Variants in ITPK1 observed in about 807,000 individuals in gnomAD.
ITPK1 encodes inositol-tetrakisphosphate 1-kinase, also known as inositol 1,3,4-trisphosphate 5/6-kinase.
Under a neutral mutation model 45.3 loss-of-function variants are expected in ITPK1, and 21 were observed. The observed-to-expected ratio is 0.46, with a 90% CI of 0.33 to 0.67. The LOEUF is 0.67. Among genes scored for constraint, ITPK1 ranks in the 30% least tolerant of loss-of-function variants. The pLI is 0.02. For synonymous variants in ITPK1, 258 were observed against 253.6 expected, an observed-to-expected ratio of 1.02 and a Z score of -0.16; for missense variants, 474 against 573.5, an observed-to-expected ratio of 0.83 and a Z score of 1.77.
rs192960741 is a variant in ITPK1 at position 93,088,668 on chromosome 14, T to G, written c.96-12049A>C. 1.4e-4 allele frequency among the ~76,000 whole-genome samples: 21 copies of G among 152,216 alleles called. 1 individual carries two copies. Among genetic ancestry groups the G allele is most frequent in the African/African-American group, 3.4e-4 (14 of 41,540 alleles). On this transcript the variant is annotated intron_variant, in intron 2 of 10. Coordinates refer to ENST00000267615, the MANE Select transcript of ITPK1 (RefSeq NM_014216.6). Reference sequence around the variant, plus strand: ...TCTGCACCAGGCCTCTTTTTTTATTTTTTGTAGAGACAGGGTCTCACTATG... The same window carrying G: ...TCTGCACCAGGCCTCTTTTTTTATTGTTTGTAGAGACAGGGTCTCACTATG...
intron 3 of ITPK1, among the ~76,000 whole-genome samples, chr14:93,042,888 T>G (rs1170021504): frequency 6.6e-6 from 1 of 151,998 alleles, no homozygotes; most frequent in East Asian, 1.9e-4. Context: ...CATGGTGGCG[T>G]GCACCTGCAA....
At chr14:92,983,248 C>A (rs1434624455) in intron 5 of ITPK1, among the ~76,000 whole-genome samples, 2 of 152,168 alleles carry the variant, frequency 1.3e-5, no homozygotes, top group Non-Finnish European at 2.9e-5. Context: ...GATTTACAGC[C>A]CCTTCTGGAC....
intron 6 of ITPK1, 80 bp downstream of exon 6, chr14:92,962,671 C>T: frequency 9.3e-7 from 1 of 1,069,566 alleles, no homozygotes; most frequent in South Asian, 1.3e-5. Context: ...ATCCAGAGGG[C>T]ACTATAAACC....
At chr14:92,988,703 C>T (rs1886628603) in intron 5 of ITPK1, among the ~76,000 whole-genome samples, 1 of 152,162 alleles carries the variant, frequency 6.6e-6, no homozygotes, top group African/African-American at 2.4e-5. Context: ...AAGAGCAGAC[C>T]CACACTGTGT....
chr14:93,087,702 C>T (rs1412873754), intron 2 of ITPK1, among the ~76,000 whole-genome samples: 1 of 152,222 alleles, frequency 6.6e-6, no homozygotes, highest in Non-Finnish European at 1.5e-5. Context: ...TCCCAGGATT[C>T]TCAGACATCG....
intron 3 of ITPK1, among the ~76,000 whole-genome samples, chr14:93,046,344 G>A (rs899928811): frequency 2.6e-5 from 4 of 152,188 alleles, no homozygotes; most frequent in African/African-American, 9.7e-5. Flanking sequence ...GCTAGCCCGG[G>A]GCCCCACGGT....
intron 3 of ITPK1, among the ~76,000 whole-genome samples, chr14:93,052,320 G>A (rs1182193735): frequency 6.6e-6 from 1 of 151,986 alleles, no homozygotes; most frequent in Non-Finnish European, 1.5e-5. Flanking sequence ...TTTTATTGCT[G>A]GGCTCCTAGG....
Position 93,101,476 on chromosome 14 carries a change from T to C in ITPK1, c.95+13593A>G, listed in dbSNP as rs1892318507. Among the ~76,000 whole-genome samples the C allele has an allele frequency of 2.0e-5, 3 of 152,170 alleles. No homozygotes were observed. In the South Asian group the frequency reaches 6.2e-4, roughly 32 times the overall value. ...GCATGTGCTGACCCCCTCCTATGCA[T>C]GAGCACAAGGTCACCTCTTACTGAC... On this transcript the variant is annotated intron_variant, in intron 2 of 10. Coordinates refer to ENST00000267615, the MANE Select transcript of ITPK1 (RefSeq NM_014216.6).
chr14:92,994,454 A>G (rs1268394871), intron 4 of ITPK1, among the ~76,000 whole-genome samples: 1 of 152,208 alleles, frequency 6.6e-6, no homozygotes, highest in African/African-American at 2.4e-5. Flanking sequence ...CCAGCCACCC[A>G]ACACTCCTCA....
rs1891216373 is a variant in ITPK1 at position 93,076,320 on chromosome 14, C to G, written c.120+275G>C. On this transcript the variant is annotated intron_variant, in intron 3 of 10. Transcript: ENST00000267615. This position sits in a 1 kb window ranked among gnomAD's most constrained non-coding sequence, Gnocchi z 4.3. ...TCACCCTTCCCACACCCACCCTAAC[C>G]TGACCACTGCCATGCACACCCCCCT... Among the ~76,000 whole-genome samples the G allele has an allele frequency of 6.6e-6, 1 of 152,072 alleles. No homozygotes were observed. The highest frequency in any genetic ancestry group is 1.5e-5 in the Non-Finnish European group (1 of 68,020).
intron 9 of ITPK1, 123 bp downstream of exon 9, chr14:92,951,823 C>G: frequency 1.3e-6 from 1 of 741,040 alleles, no homozygotes; most frequent in South Asian, 1.6e-5. Flanking sequence ...GGCATGGAGG[C>G]AAACGTCCTT....
At chr14:92,995,040 G>A (rs1738199222) in intron 4 of ITPK1, among the ~76,000 whole-genome samples, 2 of 152,190 alleles carry the variant, frequency 1.3e-5, no homozygotes, top group African/African-American at 4.8e-5. Flanking sequence ...ACAAGCCAAG[G>A]AGGGTGGAAG....
chr14:93,088,341 G>GTTTTTTT lies in ITPK1; in HGVS notation c.96-11729_96-11723dup, dbSNP rs1179019290. Among the ~76,000 whole-genome samples the GTTTTTTT allele has an allele frequency of 7.5e-4, 99 of 132,700 alleles. 2 individuals carry two copies. The highest frequency in any genetic ancestry group is 2.7e-3 in the African/African-American group (96 of 35,454). 87.1% of individuals were successfully genotyped at this position (132,700 alleles called of 152,430 possible). ...ATCTTTTCTTTTTTGGTTTTGTTTT[G>GTTTTTTT]TTTTTTTTTTTTTTTTGAGACAGGG... is the stretch of plus-strand genomic sequence containing the variant. On this transcript the variant is annotated intron_variant, in intron 2 of 10. Transcript: ENST00000267615.
intron 9 of ITPK1, among the ~76,000 whole-genome samples, chr14:92,947,542 C>T (rs1887746731): frequency 6.6e-6 from 1 of 152,274 alleles, no homozygotes; most frequent in Non-Finnish European, 1.5e-5. Flanking sequence ...GGAAACAGTA[C>T]TTGGCCTCTC....
chr14:92,964,770 G>C (rs1037535519), intron 5 of ITPK1, among the ~76,000 whole-genome samples: 2 of 152,196 alleles, frequency 1.3e-5, no homozygotes, highest in African/African-American at 4.8e-5. Context: ...TTTTAGAGCA[G>C]GTGAATCAGC....
chr14:93,110,030 C>T (rs1005225149), intron 2 of ITPK1, among the ~76,000 whole-genome samples: 2 of 152,146 alleles, frequency 1.3e-5, no homozygotes, highest in African/African-American at 4.8e-5. Context: ...ATTTGATGCT[C>T]GCAACCCTAA....
intron 3 of ITPK1, chr14:93,069,192 G>A (rs1239123696): frequency 6.5e-6 from 1 of 154,012 alleles, no homozygotes; most frequent in Non-Finnish European, 1.5e-5. Flanking sequence ...CTGCTTTCCA[G>A]TGCAGCCCTG....
rs192776339 is a variant in ITPK1 at position 93,075,923 on chromosome 14, T to A, written c.120+672A>T. 1.2e-3 allele frequency among the ~76,000 whole-genome samples: 186 copies of A among 152,280 alleles called. 1 individual carries two copies. The highest frequency in any genetic ancestry group is 2.2e-3 in the Non-Finnish European group (150 of 68,014). ...GACATGGCCAGGCCACCATCAGGTTTACCAAGTACCCATTAGGTGCCAGGT... is the reference window on the plus strand; with the variant it reads ...GACATGGCCAGGCCACCATCAGGTTAACCAAGTACCCATTAGGTGCCAGGT... On this transcript the variant is annotated intron_variant, in intron 3 of 10. Transcript: ENST00000267615.
chr14:93,067,284 C>CA (rs1201207753), intron 3 of ITPK1, among the ~76,000 whole-genome samples: 1 of 152,224 alleles, frequency 6.6e-6, no homozygotes, highest in Non-Finnish European at 1.5e-5. Context: ...GATCCAGTCC[C>CA]AACCCTGCGT....
Sources: gnomAD v4.1 joint callset for allele counts (sites outside exome capture counted in the v4.1 genomes callset) on GRCh38, gnomAD v4.1.1 for gene constraint, Gnocchi (gnomAD v3.1) non-coding constraint, MANE v1.5 for transcripts, NCBI Gene and HGNC (gene_info 2026-07-23, HGNC 2026-07-21) for gene names.